RFX7: variants seen among roughly 807,000 people sequenced by gnomAD.
RFX7 encodes DNA-binding protein RFX7.
A neutral mutation model predicts 111.8 loss-of-function variants in RFX7; 26 were observed. That is an observed-to-expected ratio of 0.23 (90% CI 0.17 to 0.32). RFX7 has a LOEUF of 0.32. RFX7 is among the 10% of genes least tolerant of loss of function. The pLI is 1.00. For synonymous variants in RFX7, 624 were observed against 624.4 expected (o/e 1.00, Z 0.01); for missense variants, 1,573 against 1,772.9 (o/e 0.89, Z 2.02).
intron 2 of RFX7, among the ~76,000 whole-genome samples, chr15:56,236,037 A>G (rs2043619439): frequency 6.6e-6 from 1 of 152,182 alleles, no homozygotes; most frequent in Admixed American, 6.5e-5. Flanking sequence ...AAGGAATATC[A>G]GAATTTTTCA....
intron 5 of RFX7, among the ~76,000 whole-genome samples, chr15:56,116,449 C>T (rs1386193315): frequency 1.3e-5 from 2 of 152,126 alleles, no homozygotes; most frequent in East Asian, 1.9e-4. Context: ...GTGATCAGCC[C>T]TCAATTTTAC....
At chr15:56,183,651 AC>A (rs1408461234) in intron 2 of RFX7, among the ~76,000 whole-genome samples, 1 of 151,810 alleles carries the variant, frequency 6.6e-6, no homozygotes, top group African/African-American at 2.4e-5. Flanking sequence ...TGATTGCATG[AC>A]CCCCCTTGTT....
chr15:56,215,591 T>C lies in RFX7; in HGVS notation c.161+27534A>G, dbSNP rs1480718520. Reference sequence around the variant, plus strand: ...TTTTTATACACTTGTGGCTTCAATTTGCTAATTTTTGTTTTAGATTTTCTG... The same window carrying C: ...TTTTTATACACTTGTGGCTTCAATTCGCTAATTTTTGTTTTAGATTTTCTG... On this transcript the variant is annotated intron_variant, in intron 2 of 9. Transcript: ENST00000559447. Among the ~76,000 whole-genome samples the C allele has an allele frequency of 3.3e-5, 5 of 152,208 alleles. 1 individual carries two copies. The highest frequency in any genetic ancestry group is 3.3e-4 in the Admixed American group (5 of 15,278).
At chr15:56,111,040 C>CT (rs2041922088) in intron 5 of RFX7, among the ~76,000 whole-genome samples, 1 of 93,336 alleles carries the variant, frequency 1.1e-5, no homozygotes, top group African/African-American at 3.6e-5. Context: ...GTCAGCCCCC[C>CT]ACCCGGCCAG....
chr15:56,162,858 GCA>G (rs1181044633), intron 3 of RFX7, among the ~76,000 whole-genome samples: 1 of 151,962 alleles, frequency 6.6e-6, no homozygotes, highest in Non-Finnish European at 1.5e-5. Flanking sequence ...AGTAAATTCT[GCA>G]CAGACATGCT....
intron 5 of RFX7, among the ~76,000 whole-genome samples, chr15:56,141,379 A>T (rs1483270511): frequency 6.6e-6 from 1 of 151,784 alleles, no homozygotes; most frequent in East Asian, 1.9e-4. Flanking sequence ...AAAACAAACA[A>T]ACAAACAAAC....
intron 2 of RFX7, among the ~76,000 whole-genome samples, chr15:56,234,929 T>TA (rs1473938504): frequency 6.6e-6 from 1 of 152,138 alleles, no homozygotes; most frequent in African/African-American, 2.4e-5. Context: ...TGAAAAAAAT[T>TA]AAATTACACA....
At chr15:56,222,766 T>C (rs536607587) in intron 2 of RFX7, among the ~76,000 whole-genome samples, 12 of 152,314 alleles carry the variant, frequency 7.9e-5, no homozygotes, top group African/African-American at 2.6e-4. Flanking sequence ...CAACATAAAA[T>C]AGTTGGCTGC....
At position 56,093,739 on chromosome 15, in the gene RFX7, G is replaced by T; in HGVS notation, c.3989C>A (p.Pro1330His). The change falls in exon 10 of 10, where the codon CCT becomes CAT. Residue 1330 changes from proline (P) to histidine (H), a missense_variant. Pro to His is a moderately conservative substitution (Grantham distance 77). Transcript: ENST00000559447. ...SNSTGQINFS[P>H]GDNQAQSEIG... Reference sequence around the variant, plus strand: ...TTCTGATTGTGCTTGATTATCTCCAGGAGAAAAATTGATCTGACCGGTGCT... The same window carrying T: ...TTCTGATTGTGCTTGATTATCTCCATGAGAAAAATTGATCTGACCGGTGCT... 1.9e-6 allele frequency: 3 copies of T among 1,613,808 alleles called. No individual in the cohort carries two copies. The highest frequency in any genetic ancestry group is 2.5e-6 in the Non-Finnish European group (3 of 1,179,788).
chr15:56,216,531 G>A lies in RFX7; in HGVS notation c.161+26594C>T, dbSNP rs375173922. Among the ~76,000 whole-genome samples the A allele has an allele frequency of 9.0e-4, 137 of 151,978 alleles. 2 individuals are homozygous for A. In the South Asian group the frequency reaches 0.017, roughly 19 times the overall value. ...TTCTTGATCTGTCACTTCTGACCCC[G>A]GAACATTTAATACAAGTTTGCAAAG... On this transcript the variant is annotated intron_variant, in intron 2 of 9. Transcript: ENST00000559447.
intron 3 of RFX7, among the ~76,000 whole-genome samples, chr15:56,173,180 A>T (rs538348830): frequency 1.8e-4 from 28 of 152,350 alleles, no homozygotes; most frequent in Non-Finnish European, 3.4e-4. Context: ...ATCCCTATGT[A>T]GATTTGGAAT....
chr15:56,123,404 T>C (rs780057223), intron 5 of RFX7, among the ~76,000 whole-genome samples: 1 of 152,164 alleles, frequency 6.6e-6, no homozygotes, highest in Non-Finnish European at 1.5e-5. Context: ...CTCTGCCCGG[T>C]ACCCTATACT....
At chr15:56,206,499 T>C (rs1176297764) in intron 2 of RFX7, among the ~76,000 whole-genome samples, 1 of 152,142 alleles carries the variant, frequency 6.6e-6, no homozygotes, top group African/African-American at 2.4e-5. Context: ...ATCCCACTGC[T>C]AGCTATATAG....
chr15:56,116,321 A>G (rs1463106945), intron 5 of RFX7, among the ~76,000 whole-genome samples: 1 of 152,222 alleles, frequency 6.6e-6, no homozygotes, highest in Non-Finnish European at 1.5e-5. Context: ...GATGGTTTGT[A>G]GTTAAATAAG....
In RFX7 at chr15:56,176,050, G is replaced by A. The variant is rs1455569347; in HGVS notation, c.195+3220C>T. On this transcript the variant is annotated intron_variant, in intron 3 of 9. Transcript: ENST00000559447. Reference sequence around the variant, plus strand: ...GTTAAAATAGTAGTGTTGCTAGGATGAGGCAGCCTGTGTTTAAACACGCAA... The same window carrying A: ...GTTAAAATAGTAGTGTTGCTAGGATAAGGCAGCCTGTGTTTAAACACGCAA... Among the ~76,000 whole-genome samples the A allele has an allele frequency of 2.0e-5, 3 of 152,150 alleles. No individual in the cohort carries two copies. In the East Asian group the frequency reaches 5.8e-4, roughly 29 times the overall value.
chr15:56,154,946 C>G (rs1334675490), intron 3 of RFX7, among the ~76,000 whole-genome samples: 20 of 151,920 alleles, frequency 1.3e-4, no homozygotes, highest in African/African-American at 4.8e-4. Context: ...AAAAAACAAC[C>G]CCATCAAAAA....
At chr15:56,173,278 G>A (rs2042865347) in intron 3 of RFX7, among the ~76,000 whole-genome samples, 1 of 152,168 alleles carries the variant, frequency 6.6e-6, no homozygotes, top group South Asian at 2.1e-4. Flanking sequence ...ATCTACAAGT[G>A]GCTGACACAT....
chr15:56,142,163 C>T (rs533522474), intron 5 of RFX7, among the ~76,000 whole-genome samples: 21 of 152,044 alleles, frequency 1.4e-4, no homozygotes, highest in Non-Finnish European at 2.6e-4. Context: ...AAATGTTAAA[C>T]GAGACTATAT....
chr15:56,116,587 G>A (rs2140953913), intron 5 of RFX7, among the ~76,000 whole-genome samples: 1 of 152,214 alleles, frequency 6.6e-6, no homozygotes, highest in East Asian at 1.9e-4. Flanking sequence ...TATAGAAGAG[G>A]TGAGAAAAAA....
Sources: gnomAD v4.1 joint callset for allele counts (sites outside exome capture counted in the v4.1 genomes callset) on GRCh38, gnomAD v4.1.1 for gene constraint, MANE v1.5 for transcripts, NCBI Gene and HGNC (gene_info 2026-07-23, HGNC 2026-07-21) for gene names.